FAM178B: variants seen among roughly 807,000 people sequenced by gnomAD.
The protein encoded by FAM178B is protein FAM178B.
In FAM178B, 82 loss-of-function variants were observed where a neutral mutation model predicts 91.7. That is an observed-to-expected ratio of 0.89 (90% CI 0.75 to 1.07). FAM178B has a LOEUF of 1.07. FAM178B is among the 50% of genes least tolerant of loss of function. The probability of loss-of-function intolerance (pLI) is 0.00; values close to 1 mark genes in which losing one functional copy is unlikely to be tolerated. For synonymous variants in FAM178B, 368 were observed against 359.4 expected, an observed-to-expected ratio of 1.02 and a Z score of -0.27; for missense variants, 769 against 846.7, an observed-to-expected ratio of 0.91 and a Z score of 1.14.
chr2:96,897,960 CCAA>C (rs1413263599), intron 13 of FAM178B: 2 of 985,368 alleles, frequency 2.0e-6, no homozygotes, highest in Admixed American at 1.2e-4. Context: ...GTTCAGTTCT[CCAA>C]CGTGTGCTTC....
intron 12 of FAM178B, among the ~76,000 whole-genome samples, chr2:96,906,975 G>A (rs1574228392): frequency 6.6e-6 from 1 of 152,218 alleles, no homozygotes; most frequent in Non-Finnish European, 1.5e-5. Context: ...CCCGGCCCGG[G>A]GGTGAGGGGA....
intron 7 of FAM178B, among the ~76,000 whole-genome samples, chr2:96,949,212 G>C (rs1034820268): frequency 1.3e-5 from 2 of 152,310 alleles, no homozygotes; most frequent in South Asian, 2.1e-4. Context: ...GTCCCTGAGA[G>C]AGAACTCAGG....
At chr2:96,882,609 G>A (rs913481587) in intron 14 of FAM178B, among the ~76,000 whole-genome samples, 1 of 152,236 alleles carries the variant, frequency 6.6e-6, no homozygotes, top group African/African-American at 2.4e-5. Context: ...GAGAGGCTGA[G>A]CCCAGGCTGC....
intron 14 of FAM178B, among the ~76,000 whole-genome samples, chr2:96,889,964 C>T (rs2080629928): frequency 8.8e-6 from 1 of 113,928 alleles, no homozygotes; most frequent in South Asian, 3.4e-4. Context: ...CGTGACAAAA[C>T]CCCATCTTTA....
At chr2:96,905,581 A>T (rs1258676484) in intron 12 of FAM178B, among the ~76,000 whole-genome samples, 1 of 150,000 alleles carries the variant, frequency 6.7e-6, no homozygotes, top group Non-Finnish European at 1.5e-5. Flanking sequence ...AAAAAGAAAA[A>T]GAAAAAAAAA....
chr2:96,982,876 A>G (rs2082380526), intron 1 of FAM178B, among the ~76,000 whole-genome samples: 4 of 146,410 alleles, frequency 2.7e-5, no homozygotes, highest in Admixed American at 7.0e-5. Flanking sequence ...CACTGCACCC[A>G]GTCTAATTTA....
Position 96,947,839 on chromosome 2 carries a change from C to T in FAM178B, c.1057G>A (p.Asp353Asn). The change falls in exon 8 of 17, where the codon GAT (aspartate) becomes AAT (asparagine). Residue 353 changes from aspartate to asparagine, a missense_variant. Transcript: ENST00000490605. ...AFGLLWDLIV[D>N]GIFLQPDEDK... ...TGACCAGGCTGAAGGAAGATTCCAT[C>T]CACAATGAGATCCCACAGAAGACCA... 3 of 1,546,718 alleles carry T rather than the reference C, an allele frequency of 1.9e-6. No individual in the cohort carries two copies. The highest frequency in any genetic ancestry group is 1.4e-5 in the African/African-American group (1 of 72,964).
At chr2:96,935,471 AT>A (rs1471064464) in intron 8 of FAM178B, among the ~76,000 whole-genome samples, 1 of 152,072 alleles carries the variant, frequency 6.6e-6, no homozygotes, top group African/African-American at 2.4e-5. Context: ...GTTTTTAAGG[AT>A]ACAGGGCTCC....
Position 96,877,892 on chromosome 2 carries a change from G to A in FAM178B, c.2005C>T (p.Gln669Ter). 1 of 1,612,688 alleles carries A rather than the reference G, an allele frequency of 6.2e-7. No individual in the cohort carries two copies. The highest frequency in any genetic ancestry group is 2.2e-5 in the East Asian group (1 of 44,884). Residue 669 changes from glutamine to a stop codon, truncating the protein, a stop_gained and splice_region_variant, in exon 16 of 17, where the codon CAG becomes TAG. Transcript: ENST00000490605. LOFTEE classifies it high-confidence loss of function. Reference protein sequence around the residue: ...WQELLTHCQPQAQYFSPWKDI With the variant: ...WQELLTHCQP ...CTGGGGGCTAGAGGGGGCACCACCT[G>A]GGGCTGGCAGTGGGTCAGCAGCTCC...
intron 6 of FAM178B, among the ~76,000 whole-genome samples, chr2:96,958,360 A>G (rs7569434): frequency 0.75 from 114,576 of 151,838 alleles, 44,353 homozygotes; most frequent in Middle Eastern, 0.84. Context: ...GTGAGCCACC[A>G]CGTCCGGCCT....
intron 9 of FAM178B, among the ~76,000 whole-genome samples, chr2:96,927,506 C>T (rs1249070335): frequency 2.0e-5 from 3 of 152,180 alleles, no homozygotes; most frequent in Admixed American, 6.5e-5. Flanking sequence ...TCCCTGGGCC[C>T]GATCTAGGAC....
chr2:96,887,463 G>A (rs1202632011), intron 14 of FAM178B, among the ~76,000 whole-genome samples: 3 of 152,196 alleles, frequency 2.0e-5, no homozygotes, highest in African/African-American at 7.2e-5. Context: ...TGTGAAGCAA[G>A]ATGTAAACAA....
At chr2:96,905,833 TATATATATATATATATATATATATATA>T (rs1559063981) in intron 12 of FAM178B, among the ~76,000 whole-genome samples, 26 of 20,254 alleles carry the variant, frequency 1.3e-3, no homozygotes, top group Non-Finnish European at 2.4e-3. Context: ...TATATATATA[TATATATATATATATATATATATATATA>T]TTTTTTTTTT....
intron 8 of FAM178B, among the ~76,000 whole-genome samples, chr2:96,946,089 G>C (rs757488248): frequency 5.9e-5 from 9 of 152,040 alleles, no homozygotes; most frequent in Non-Finnish European, 1.3e-4. Flanking sequence ...CATGGAATAT[G>C]AATTTGACTA....
chr2:96,915,919 T>C (rs1427111211), intron 12 of FAM178B, among the ~76,000 whole-genome samples: 2 of 152,198 alleles, frequency 1.3e-5, no homozygotes, highest in African/African-American at 2.4e-5. Flanking sequence ...CTAAACAGAA[T>C]TGGCATCACA....
At chr2:96,877,495 T>C (rs2080272795) in intron 16 of FAM178B, among the ~76,000 whole-genome samples, 2 of 151,490 alleles carry the variant, frequency 1.3e-5, no homozygotes, top group African/African-American at 2.4e-5. Flanking sequence ...CTCCGCCTCC[T>C]GGGTTCAAGG....
At chr2:96,946,137 G>A (rs926768939) in intron 8 of FAM178B, among the ~76,000 whole-genome samples, 18 of 152,090 alleles carry the variant, frequency 1.2e-4, no homozygotes, top group Non-Finnish European at 2.6e-4. Context: ...TCTTTTGTAT[G>A]TTATTTCACT....
intron 13 of FAM178B, among the ~76,000 whole-genome samples, chr2:96,897,607 G>C (rs1001654056): frequency 2.6e-5 from 4 of 152,138 alleles, no homozygotes; most frequent in Admixed American, 2.0e-4. Context: ...CTGTTCTCTT[G>C]CATCGCACAT....
Position 96,972,241 on chromosome 2 carries a change from G to T in FAM178B, c.224C>A (p.Pro75His). The part of the protein sequence containing the change: ...GLSDHPLDQG[P>H]RCPARRPCSP... Reference sequence around the variant, plus strand: ...GCAGGGCCGCCGGGCAGGGCAGCGGGGCCCCTGGTCCAGGGGATGGTCTGA... The same window carrying T: ...GCAGGGCCGCCGGGCAGGGCAGCGGTGCCCCTGGTCCAGGGGATGGTCTGA... Residue 75 changes from proline to histidine, a missense_variant, in exon 3 of 17, where the codon CCC (proline) becomes CAC (histidine). Transcript: ENST00000490605. The T allele has an allele frequency of 6.6e-7, 1 of 1,523,408 alleles. No individual in the cohort carries two copies. Among genetic ancestry groups the T allele is most frequent in the Non-Finnish European group, 8.8e-7 (1 of 1,135,366 alleles). The allele number at this position is 1,523,408 out of a possible 1,614,324, so 94.4% of individuals were successfully genotyped here. A position where few individuals can be genotyped will look rare whatever the true frequency, so the allele number is the denominator to read the frequency against.
Sources: gnomAD v4.1 joint callset for allele counts (sites outside exome capture counted in the v4.1 genomes callset) on GRCh38, gnomAD v4.1.1 for gene constraint, MANE v1.5 for transcripts, NCBI Gene and HGNC (gene_info 2026-07-23, HGNC 2026-07-21) for gene names.